Variants in EEF1AKMT1 observed in about 807,000 individuals in gnomAD.
The protein encoded by EEF1AKMT1 is N-6 adenine-specific DNA methyltransferase 2 (putative).
EEF1AKMT1 carries 18 observed loss-of-function variants against 21.0 expected under a neutral mutation model. The ratio of observed to expected loss-of-function variants is 0.86; its 90% CI spans 0.59 to 1.27. EEF1AKMT1 has a LOEUF of 1.27. Ranked by LOEUF, EEF1AKMT1 falls within the 50% of genes most tolerant of loss-of-function variation. The pLI, the probability that EEF1AKMT1 is intolerant of heterozygous loss-of-function variation, is 0.00. For synonymous variants in EEF1AKMT1, 109 were observed against 94.8 expected, an observed-to-expected ratio of 1.15 and a Z score of -0.87; for missense variants, 246 against 258.6, an observed-to-expected ratio of 0.95 and a Z score of 0.33.
chr13:20,748,726 G>GTTTT (rs750094631), intron 2 of EEF1AKMT1, among the ~76,000 whole-genome samples: 1,348 of 72,394 alleles, frequency 0.019, 27 homozygotes, highest in Non-Finnish European at 0.022. Flanking sequence ...TTTTTTTTTG[G>GTTTT]TTTTTTTTTT....
chr13:20,739,298 T>A (rs947494228), intron 2 of EEF1AKMT1, among the ~76,000 whole-genome samples: 2 of 152,116 alleles, frequency 1.3e-5, no homozygotes, highest in African/African-American at 4.8e-5. Flanking sequence ...ACATTTATTG[T>A]GAGGAGCAAA....
chr13:20,757,295 A>C, intron 2 of EEF1AKMT1, 160 bp downstream of exon 2: 1 of 709,454 alleles, frequency 1.4e-6, no homozygotes, highest in Non-Finnish European at 2.3e-6. Context: ...TAAAATGTTC[A>C]CTGACTGCTT....
intron 2 of EEF1AKMT1, among the ~76,000 whole-genome samples, chr13:20,738,912 G>A (rs1725137705): frequency 6.6e-6 from 1 of 152,176 alleles, no homozygotes; most frequent in African/African-American, 2.4e-5. Context: ...GGTGATAGTT[G>A]TGTGTCCGGA....
intron 2 of EEF1AKMT1, chr13:20,757,209 C>G: frequency 2.8e-6 from 1 of 352,130 alleles, no homozygotes; most frequent in Non-Finnish European, 5.1e-6. Flanking sequence ...ATCTGAAAAA[C>G]CCCATCTTCT....
At chr13:20,738,732 A>G (rs1330276001) in intron 2 of EEF1AKMT1, among the ~76,000 whole-genome samples, 2 of 152,262 alleles carry the variant, frequency 1.3e-5, no homozygotes, top group Non-Finnish European at 2.9e-5. Context: ...CAGACACCAA[A>G]GGCCACATAC....
chr13:20,763,209 A>G (rs1595029594), intron 1 of EEF1AKMT1, among the ~76,000 whole-genome samples: 1 of 152,306 alleles, frequency 6.6e-6, no homozygotes, highest in African/African-American at 2.4e-5. Flanking sequence ...ACTGTGTACA[A>G]TCAGTGCTAA....
At chr13:20,769,133 G>A (rs1364790348) in intron 1 of EEF1AKMT1, 1 of 152,126 alleles carries the variant, frequency 6.6e-6, no homozygotes, top group Non-Finnish European at 1.5e-5. Flanking sequence ...ACGAGAGAGG[G>A]CTTAAAAGGA....
Position 20,737,731 on chromosome 13 carries a change from T to G in EEF1AKMT1, c.219A>C (p.Glu73Asp), listed in dbSNP as rs751899750. Residue 73 changes from glutamate to aspartate, a missense_variant, in exon 3 of 5, where the codon GAA (glutamate) becomes GAC (aspartate). By Grantham distance (45) the Glu-to-Asp change is conservative. Transcript: ENST00000382758. ...LAQEAIAAVG[E>D]GGRIACVSAP... ...GAAAATTTGAATCTCACCTGCCACC[T>G]TCTCCTACAGCTGCAATTGCCTCCT... The G allele has an allele frequency of 1.9e-6, 3 of 1,612,128 alleles. No individual in the cohort carries two copies. The highest frequency in any genetic ancestry group is 2.5e-6 in the Non-Finnish European group (3 of 1,179,014).
intron 1 of EEF1AKMT1, among the ~76,000 whole-genome samples, chr13:20,767,015 C>T (rs1481577162): frequency 6.6e-6 from 1 of 151,924 alleles, no homozygotes; most frequent in Non-Finnish European, 1.5e-5. Flanking sequence ...ATAGATATTT[C>T]CAGATGGTGG....
intron 2 of EEF1AKMT1, among the ~76,000 whole-genome samples, chr13:20,756,135 C>G (rs908383805): frequency 6.6e-6 from 1 of 152,036 alleles, no homozygotes; most frequent in Non-Finnish European, 1.5e-5. Flanking sequence ...AAACTAGACA[C>G]AAAAATATTA....
At chr13:20,743,375 T>C (rs781600752) in intron 2 of EEF1AKMT1, among the ~76,000 whole-genome samples, 30 of 151,922 alleles carry the variant, frequency 2.0e-4, no homozygotes, top group Non-Finnish European at 1.3e-4. Context: ...CTAATACTTT[T>C]ATTATTTTTA....
chr13:20,761,071 C>T (rs571294290), intron 1 of EEF1AKMT1, among the ~76,000 whole-genome samples: 1 of 152,298 alleles, frequency 6.6e-6, no homozygotes, highest in East Asian at 1.9e-4. Flanking sequence ...CCACAGAGCT[C>T]GTGCAGTTCA....
rs375072175 is a variant in EEF1AKMT1 at position 20,732,055 on chromosome 13, C to G, written c.294G>C (p.Ser98=). 2 of 1,614,118 alleles carry G rather than the reference C, an allele frequency of 1.2e-6. No homozygotes were observed. The highest frequency in any genetic ancestry group is 1.7e-6 in the Non-Finnish European group (2 of 1,180,034). The change falls in exon 4 of 5, where the codon TCG becomes TCC. Residue 98 remains serine (S), a synonymous_variant. Transcript: ENST00000382758. ...KLRELCRENF[S]IYIFEYDKRF... ...TTTTGTCATATTCAAAGATGTATAT[C>G]GAAAAGTTTTCTCTGCACAGCTCTC...
chr13:20,771,306 C>T (rs1304501044), intron 1 of EEF1AKMT1, among the ~76,000 whole-genome samples: 8 of 152,146 alleles, frequency 5.3e-5, no homozygotes, highest in Non-Finnish European at 2.9e-5. Context: ...AAATGCAAAA[C>T]AAGGAATTCC....
chr13:20,738,994 T>C (rs1566529379), intron 2 of EEF1AKMT1, among the ~76,000 whole-genome samples: 1 of 152,222 alleles, frequency 6.6e-6, no homozygotes, highest in Non-Finnish European at 1.5e-5. Flanking sequence ...TGACAGTTCT[T>C]AAAGATAGTG....
chr13:20,739,798 A>G (rs1014686607), intron 2 of EEF1AKMT1, among the ~76,000 whole-genome samples: 3 of 152,236 alleles, frequency 2.0e-5, no homozygotes, highest in African/African-American at 7.2e-5. Flanking sequence ...TGATTGGTGC[A>G]TTTACAATCC....
At chr13:20,742,496 T>C (rs1340226654) in intron 2 of EEF1AKMT1, among the ~76,000 whole-genome samples, 1 of 152,170 alleles carries the variant, frequency 6.6e-6, no homozygotes, top group Non-Finnish European at 1.5e-5. Flanking sequence ...GATAAAAATA[T>C]GACCATTCTG....
At chr13:20,734,654 C>T (rs577234970) in intron 3 of EEF1AKMT1, among the ~76,000 whole-genome samples, 16 of 151,802 alleles carry the variant, frequency 1.1e-4, no homozygotes, top group East Asian at 9.7e-4. Flanking sequence ...AGTGCGGTGG[C>T]GGGATCTTGG....
chr13:20,763,220 C>T (rs1043770600), intron 1 of EEF1AKMT1, among the ~76,000 whole-genome samples: 3 of 152,224 alleles, frequency 2.0e-5, no homozygotes, highest in South Asian at 2.1e-4. Context: ...TCAGTGCTAA[C>T]GCAATAAACA....
Sources: gnomAD v4.1 joint callset for allele counts (sites outside exome capture counted in the v4.1 genomes callset) on GRCh38, gnomAD v4.1.1 for gene constraint, MANE v1.5 for transcripts, NCBI Gene and HGNC (gene_info 2026-07-23, HGNC 2026-07-21) for gene names.